PRRX1: variants seen among roughly 807,000 people sequenced by gnomAD.
The protein encoded by PRRX1 is paired mesoderm homeobox protein 1.
In PRRX1, 8 loss-of-function variants were observed where a neutral mutation model predicts 24.0. The ratio of observed to expected loss-of-function variants is 0.33; its 90% CI spans 0.20 to 0.60. The LOEUF (loss-of-function observed/expected upper bound fraction) is 0.60, where lower values mean the gene tolerates loss of function less well. Ranked by LOEUF, PRRX1 falls within the 20% of genes least tolerant of loss-of-function variation. PRRX1 has a pLI of 0.82. For synonymous variants in PRRX1, 160 were observed against 131.7 expected (o/e 1.22, Z -1.47); for missense variants, 281 against 322.4 (o/e 0.87, Z 0.98).
intron 1 of PRRX1, among the ~76,000 whole-genome samples, chr1:170,669,839 C>T (rs1197307982): frequency 6.6e-6 from 1 of 152,102 alleles, no homozygotes; most frequent in Non-Finnish European, 1.5e-5. Context: ...TGTATTTTTC[C>T]CCCCTTTAGA....
chr1:170,676,781 A>G (rs542054622), intron 1 of PRRX1, among the ~76,000 whole-genome samples: 1 of 152,130 alleles, frequency 6.6e-6, no homozygotes, highest in Non-Finnish European at 1.5e-5. Context: ...TAGATGCATT[A>G]TTATCTGGTG....
At chr1:170,708,233 A>G (rs556193816) in intron 1 of PRRX1, among the ~76,000 whole-genome samples, 51 of 152,266 alleles carry the variant, frequency 3.3e-4, no homozygotes, top group Non-Finnish European at 5.1e-4. Context: ...ATTAACAAGG[A>G]CTTCTTTAGG....
chr1:170,701,912 T>C (rs1394993616), intron 1 of PRRX1, among the ~76,000 whole-genome samples: 1 of 152,026 alleles, frequency 6.6e-6, no homozygotes, highest in Non-Finnish European at 1.5e-5. Flanking sequence ...TAAATTATTT[T>C]ATAGTCACCC....
intron 1 of PRRX1, among the ~76,000 whole-genome samples, chr1:170,695,612 G>T (rs1165959212): frequency 2.0e-5 from 3 of 152,070 alleles, no homozygotes; most frequent in Non-Finnish European, 4.4e-5. Flanking sequence ...ATGTGGCCAG[G>T]CTTGAGTTTT....
chr1:170,704,277 A>G (rs1571334281), intron 1 of PRRX1, among the ~76,000 whole-genome samples: 1 of 152,240 alleles, frequency 6.6e-6, no homozygotes, highest in Admixed American at 6.5e-5. Flanking sequence ...CAACCTCTCA[A>G]CGCTGGGAAG....
chr1:170,679,545 G>C (rs1225424212), intron 1 of PRRX1, among the ~76,000 whole-genome samples: 1 of 152,152 alleles, frequency 6.6e-6, no homozygotes, highest in Non-Finnish European at 1.5e-5. Context: ...GACTACAGGT[G>C]CCTGCCACCA....
chr1:170,693,876 T>C (rs1279813970), intron 1 of PRRX1, among the ~76,000 whole-genome samples: 1 of 152,082 alleles, frequency 6.6e-6, no homozygotes, highest in Non-Finnish European at 1.5e-5. Flanking sequence ...AGTATACAAC[T>C]CAGGCAAGGT....
At chr1:170,736,015 T>C (rs1655589338) in intron 3 of PRRX1, 33 bp from the exon 4 acceptor site, 2 of 1,613,522 alleles carry the variant, frequency 1.2e-6, no homozygotes, top group African/African-American at 1.3e-5. Flanking sequence ...CTAATGCCTG[T>C]TATTCTCCCT....
chr1:170,680,679 C>T (rs953825909), intron 1 of PRRX1, among the ~76,000 whole-genome samples: 1 of 152,180 alleles, frequency 6.6e-6, no homozygotes, highest in African/African-American at 2.4e-5. Context: ...GTCATAACAT[C>T]CCATAGTTCA....
rs1033718638 is a variant in PRRX1, at chr1:170,687,658, C to T, written c.241+23199C>T. 1.3e-4 allele frequency among the ~76,000 whole-genome samples: 20 copies of T among 152,204 alleles called. 1 individual carries two copies. The highest frequency in any genetic ancestry group is 4.6e-4 in the African/African-American group (19 of 41,532). ...ATAGGATATGGTTAGCATTGTGCCT[C>T]GTGTGTAGCAAGTCCCTGCTTCATG... On this transcript the variant is annotated intron_variant, in intron 1 of 3. Coordinates refer to ENST00000239461, the MANE Select transcript of PRRX1 (RefSeq NM_022716.4).
intron 3 of PRRX1, chr1:170,730,451 A>C (rs1655402078): frequency 2.1e-6 from 2 of 954,768 alleles, no homozygotes; most frequent in Admixed American, 3.7e-5. Flanking sequence ...AAATTTCAGC[A>C]GTGAAGTCCT....
At chr1:170,685,195 T>A (rs983155001) in intron 1 of PRRX1, among the ~76,000 whole-genome samples, 1 of 152,186 alleles carries the variant, frequency 6.6e-6, no homozygotes, top group African/African-American at 2.4e-5. Context: ...TTATTAATGA[T>A]CTGAAATAAG....
intron 1 of PRRX1, among the ~76,000 whole-genome samples, chr1:170,692,477 A>G (rs1330578963): frequency 2.6e-5 from 4 of 151,274 alleles, no homozygotes; most frequent in African/African-American, 2.4e-5. Flanking sequence ...ATCACCTTAC[A>G]TTATTCTTAA....
intron 1 of PRRX1, among the ~76,000 whole-genome samples, chr1:170,709,937 A>G (rs971182452): frequency 2.0e-5 from 3 of 152,204 alleles, no homozygotes; most frequent in Non-Finnish European, 4.4e-5. Context: ...ATTTCCTTTT[A>G]GTAAATTTAG....
chr1:170,739,346 T>G lies in PRRX1; in HGVS notation c.*3160T>G, dbSNP rs1655721041. ...TTGCTTTATGTTGTAAAATATACATTGTTTGCGCTAGAATAGAAATGATTT... is the reference window on the plus strand; with the variant it reads ...TTGCTTTATGTTGTAAAATATACATGGTTTGCGCTAGAATAGAAATGATTT... On this transcript the variant is annotated 3_prime_UTR_variant, in exon 4 of 4. Coordinates refer to ENST00000239461, the MANE Select transcript of PRRX1 (RefSeq NM_022716.4). 1 of 179,116 alleles carries G rather than the reference T, an allele frequency of 5.6e-6. No individual in the cohort carries two copies. The highest frequency in any genetic ancestry group is 2.4e-5 in the African/African-American group (1 of 42,300). The allele number at this position is 179,116 out of a possible 1,614,324, so 11.1% of individuals were successfully genotyped here. A position where few individuals can be genotyped will look rare whatever the true frequency, so the allele number is the denominator to read the frequency against.
intron 1 of PRRX1, among the ~76,000 whole-genome samples, chr1:170,695,639 A>G (rs976686724): frequency 1.3e-5 from 2 of 152,182 alleles, no homozygotes; most frequent in African/African-American, 4.8e-5. Flanking sequence ...TTAATTAAAC[A>G]TATCAATTCC....
rs1480431192 is a variant in PRRX1 at position 170,736,579 on chromosome 1, G to T, written c.*393G>T. 2 of 235,198 alleles carry T rather than the reference G, an allele frequency of 8.5e-6. No individual in the cohort carries two copies. The highest frequency in any genetic ancestry group is 8.7e-6 in the Non-Finnish European group (1 of 115,574). The allele number at this position is 235,198 out of a possible 1,614,324, so 14.6% of individuals were successfully genotyped here. A position where few individuals can be genotyped will look rare whatever the true frequency, so the allele number is the denominator to read the frequency against. ...ATATATATATATATATATCCAGAAT[G>T]ATTGCCTCTACTGTCCTCATTGACT... On this transcript the variant is annotated 3_prime_UTR_variant, in exon 4 of 4. Transcript: ENST00000239461.
At chr1:170,713,737 C>T (rs1654819074) in intron 1 of PRRX1, among the ~76,000 whole-genome samples, 1 of 152,126 alleles carries the variant, frequency 6.6e-6, no homozygotes, top group African/African-American at 2.4e-5. Flanking sequence ...TGTCATTTCC[C>T]AAATCACATA....
At chr1:170,713,461 A>G (rs1232766831) in intron 1 of PRRX1, among the ~76,000 whole-genome samples, 92 of 152,366 alleles carry the variant, frequency 6.0e-4, no homozygotes, top group Non-Finnish European at 2.4e-4. Context: ...TTTTGGCGCT[A>G]TAGAAAAGTA....
Sources: gnomAD v4.1 joint callset for allele counts (sites outside exome capture counted in the v4.1 genomes callset) on GRCh38, gnomAD v4.1.1 for gene constraint, MANE v1.5 for transcripts, NCBI Gene and HGNC (gene_info 2026-07-23, HGNC 2026-07-21) for gene names.